EPB41L2: variants seen among roughly 807,000 people sequenced by gnomAD.
EPB41L2 encodes the protein band 4.1-like protein 2.
A neutral mutation model predicts 113.0 loss-of-function variants in EPB41L2; 43 were observed. The ratio of observed to expected loss-of-function variants is 0.38; its 90% CI spans 0.30 to 0.49. The LOEUF (loss-of-function observed/expected upper bound fraction) is 0.49, where lower values mean the gene tolerates loss of function less well. Ranked by LOEUF, EPB41L2 falls within the 20% of genes least tolerant of loss-of-function variation. The probability of loss-of-function intolerance (pLI) is 0.95; values close to 1 mark genes in which losing one functional copy is unlikely to be tolerated. For missense variants in EPB41L2, 1,147 were observed against 1,223.4 expected (o/e 0.94, Z 0.93); for synonymous variants, 442 against 436.7 (o/e 1.01, Z -0.15).
chr6:130,986,208 G>T (rs2128685837), intron 1 of EPB41L2, among the ~76,000 whole-genome samples: 2 of 152,156 alleles, frequency 1.3e-5, no homozygotes, highest in East Asian at 3.9e-4. Flanking sequence ...CCAAGCAGGG[G>T]AACCCACATG....
At chr6:131,016,907 T>C (rs1253364012) in intron 1 of EPB41L2, among the ~76,000 whole-genome samples, 1 of 151,988 alleles carries the variant, frequency 6.6e-6, no homozygotes, top group Non-Finnish European at 1.5e-5. Context: ...GACTCACCAC[T>C]GGGTCTCTTA....
At chr6:130,925,038 AAT>A (rs370769937) in intron 4 of EPB41L2, among the ~76,000 whole-genome samples, 42 of 152,308 alleles carry the variant, frequency 2.8e-4, no homozygotes, top group African/African-American at 1.0e-3. Flanking sequence ...GGCAATTAAG[AAT>A]ATGAGTCTGA....
intron 4 of EPB41L2, among the ~76,000 whole-genome samples, chr6:130,913,466 A>G (rs1299408362): frequency 6.6e-6 from 1 of 152,172 alleles, no homozygotes; most frequent in Non-Finnish European, 1.5e-5. Flanking sequence ...ACAACTTTGC[A>G]AGGGCTGGAA....
chr6:130,927,690 A>G (rs1805231290), intron 3 of EPB41L2, among the ~76,000 whole-genome samples: 1 of 152,202 alleles, frequency 6.6e-6, no homozygotes, highest in Non-Finnish European at 1.5e-5. Flanking sequence ...AGAATCTGGT[A>G]TTTTTATTAT....
rs34082234 is a variant in EPB41L2, at chr6:130,951,312, C to CTTTT, written c.705+3789_705+3792dup. Reference sequence around the variant, plus strand: ...AGAAAAAAGATGCTCAGCCTCAGTACTTTTTTTTTTTTTTTTTTTTTTTTT... The same window carrying CTTTT: ...AGAAAAAAGATGCTCAGCCTCAGTACTTTTTTTTTTTTTTTTTTTTTTTTTTTTT... On this transcript the variant is annotated intron_variant, in intron 3 of 19. Transcript: ENST00000337057. Among the ~76,000 whole-genome samples, 30 of 50,846 alleles carry CTTTT rather than the reference C, an allele frequency of 5.9e-4. 3 individuals carry two copies. Among genetic ancestry groups the CTTTT allele is most frequent in the Middle Eastern group, 0.016 (1 of 62 alleles). The allele number at this position is 50,846 out of a possible 152,430, so 33.4% of individuals were successfully genotyped here.
At chr6:130,898,240 TTAAA>T (rs1465424976) in intron 8 of EPB41L2, among the ~76,000 whole-genome samples, 2 of 152,118 alleles carry the variant, frequency 1.3e-5, no homozygotes, top group African/African-American at 4.8e-5. Flanking sequence ...AGAAAAATAT[TTAAA>T]TAAAGGAAGC....
intron 1 of EPB41L2, among the ~76,000 whole-genome samples, chr6:130,999,734 C>A (rs910002092): frequency 6.6e-6 from 1 of 152,134 alleles, no homozygotes; most frequent in African/African-American, 2.4e-5. Context: ...GGTATACAAT[C>A]CTCCTGAATC....
At chr6:130,856,689 T>C (rs936209468) in intron 19 of EPB41L2, among the ~76,000 whole-genome samples, 2 of 152,220 alleles carry the variant, frequency 1.3e-5, no homozygotes, top group Non-Finnish European at 2.9e-5. Flanking sequence ...GGGTTACCTA[T>C]CTATTGACTG....
intron 3 of EPB41L2, among the ~76,000 whole-genome samples, chr6:130,951,764 A>G (rs1000413433): frequency 1.3e-5 from 2 of 151,954 alleles, no homozygotes; most frequent in Non-Finnish European, 2.9e-5. Context: ...AGCCTTGGCC[A>G]TGAGACTTAA....
At chr6:131,023,371 G>A (rs1789967574) in intron 1 of EPB41L2, among the ~76,000 whole-genome samples, 2 of 152,066 alleles carry the variant, frequency 1.3e-5, no homozygotes, top group Non-Finnish European at 2.9e-5. Context: ...CTACTATTTA[G>A]TAAGCCAAAG....
chr6:131,036,971 CAGA>C (rs1793454196), intron 1 of EPB41L2, among the ~76,000 whole-genome samples: 2 of 152,164 alleles, frequency 1.3e-5, no homozygotes, highest in African/African-American at 4.8e-5. Context: ...GGTTGCAAAG[CAGA>C]AGTTGTGAGC....
intron 4 of EPB41L2, among the ~76,000 whole-genome samples, chr6:130,918,271 C>A (rs994078673): frequency 2.0e-5 from 3 of 152,144 alleles, no homozygotes; most frequent in African/African-American, 7.2e-5. Flanking sequence ...AACTAATTTT[C>A]ATAAAGTTAG....
At chr6:130,918,910 A>C (rs984408603) in intron 4 of EPB41L2, among the ~76,000 whole-genome samples, 1 of 152,296 alleles carries the variant, frequency 6.6e-6, no homozygotes, top group Non-Finnish European at 1.5e-5. Flanking sequence ...AATAGTAATA[A>C]ATTTATGTGG....
intron 1 of EPB41L2, among the ~76,000 whole-genome samples, chr6:130,960,992 T>A (rs1240897058): frequency 6.6e-6 from 1 of 152,224 alleles, no homozygotes; most frequent in East Asian, 1.9e-4. Flanking sequence ...TGTTCAATCA[T>A]CTAGTCTAAT....
intron 3 of EPB41L2, among the ~76,000 whole-genome samples, chr6:130,934,268 T>C (rs751867374): frequency 8.6e-4 from 131 of 152,264 alleles, no homozygotes; most frequent in Non-Finnish European, 1.7e-3. Context: ...CTGGTCAATT[T>C]TGTGTGTGTG....
At chr6:131,031,948 G>A (rs563923585) in intron 1 of EPB41L2, among the ~76,000 whole-genome samples, 137 of 152,154 alleles carry the variant, frequency 9.0e-4, no homozygotes, top group Non-Finnish European at 1.8e-3. Context: ...AGTGAAGAGG[G>A]TATAAAAGGG....
chr6:131,040,235 C>T (rs1360727393), intron 1 of EPB41L2, among the ~76,000 whole-genome samples: 1 of 152,114 alleles, frequency 6.6e-6, no homozygotes, highest in Non-Finnish European at 1.5e-5. Context: ...GCCAGGGATT[C>T]GAGACCAGCC....
At chr6:130,971,031 C>T (rs1280263956) in intron 1 of EPB41L2, among the ~76,000 whole-genome samples, 1 of 152,112 alleles carries the variant, frequency 6.6e-6, no homozygotes, top group Non-Finnish European at 1.5e-5. Context: ...TAGCTGGGAC[C>T]ACAGGCATGC....
At chr6:131,025,307 C>T (rs1413954534) in intron 1 of EPB41L2, among the ~76,000 whole-genome samples, 2 of 152,126 alleles carry the variant, frequency 1.3e-5, no homozygotes, top group African/African-American at 2.4e-5. Context: ...CACAATAGTG[C>T]TAGCTATTTT....
Sources: gnomAD v4.1 joint callset for allele counts (sites outside exome capture counted in the v4.1 genomes callset) on GRCh38, gnomAD v4.1.1 for gene constraint, MANE v1.5 for transcripts, NCBI Gene and HGNC (gene_info 2026-07-23, HGNC 2026-07-21) for gene names.